Variants in GATAD2A observed in about 807,000 individuals in gnomAD.
The protein encoded by GATAD2A is transcriptional repressor p66-alpha.
GATAD2A carries 12 observed loss-of-function variants against 68.5 expected under a neutral mutation model. That is an observed-to-expected ratio of 0.18 (90% CI 0.11 to 0.28). The LOEUF (loss-of-function observed/expected upper bound fraction) is 0.28, where lower values mean the gene tolerates loss of function less well. GATAD2A is among the 10% of genes least tolerant of loss of function. GATAD2A has a pLI of 1.00. For synonymous variants in GATAD2A, 410 were observed against 375.3 expected (o/e 1.09, Z -1.07); for missense variants, 755 against 868.5 (o/e 0.87, Z 1.64).
intron 2 of GATAD2A, among the ~76,000 whole-genome samples, chr19:19,478,437 C>T (rs2058821959): frequency 6.6e-6 from 1 of 151,830 alleles, no homozygotes; most frequent in Non-Finnish European, 1.5e-5. Context: ...CCCGTTGCTA[C>T]AAAAAAAGTA....
At chr19:19,419,924 G>T (rs2052142320) in intron 1 of GATAD2A, among the ~76,000 whole-genome samples, 1 of 151,818 alleles carries the variant, frequency 6.6e-6, no homozygotes, top group South Asian at 2.1e-4. Flanking sequence ...TCAGGTTTGA[G>T]CCTGGGCCTA....
At chr19:19,404,974 TA>T (rs1381757885), upstream of GATAD2A, among the ~76,000 whole-genome samples, 2 of 152,224 alleles carry the variant, frequency 1.3e-5, no homozygotes, top group Non-Finnish European at 2.9e-5. Context: ...TTATGTAGTT[TA>T]ACATCTCCAA....
chr19:19,462,203 G>T (rs867830500), intron 1 of GATAD2A, among the ~76,000 whole-genome samples: 9 of 152,230 alleles, frequency 5.9e-5, no homozygotes, highest in South Asian at 2.1e-4. Context: ...TGCGGTGGCC[G>T]CCAGCCCTGT....
intron 1 of GATAD2A, among the ~76,000 whole-genome samples, chr19:19,407,495 G>T (rs1242086942): frequency 1.3e-5 from 2 of 152,200 alleles, no homozygotes; most frequent in Non-Finnish European, 2.9e-5. Context: ...CTTGCTCAAG[G>T]CCTCTTAGTA....
chr19:19,420,430 C>G (rs2052257997), intron 1 of GATAD2A, among the ~76,000 whole-genome samples: 1 of 149,054 alleles, frequency 6.7e-6, no homozygotes, highest in African/African-American at 2.5e-5. Context: ...CTCCCAGGTT[C>G]CCGCCATTCT....
chr19:19,463,181 C>T (rs2057591184), intron 1 of GATAD2A, among the ~76,000 whole-genome samples: 1 of 152,100 alleles, frequency 6.6e-6, no homozygotes, highest in Non-Finnish European at 1.5e-5. Context: ...AGTGCACATA[C>T]CTGCTGTCTA....
At chr19:19,427,429 G>C (rs1428977436) in intron 1 of GATAD2A, 1 of 147,962 alleles carries the variant, frequency 6.8e-6, no homozygotes, top group Non-Finnish European at 1.5e-5. Context: ...CCTAGCTTGT[G>C]CTAAGTACTG....
chr19:19,496,271 T>G, intron 7 of GATAD2A, 52 bp downstream of exon 7: 1 of 1,514,972 alleles, frequency 6.6e-7, no homozygotes, highest in Non-Finnish European at 9.1e-7. Context: ...CACCTGTGAC[T>G]GCTCCCCTTG....
chr19:19,424,677 G>A (rs1161658801), intron 1 of GATAD2A, among the ~76,000 whole-genome samples: 1 of 152,048 alleles, frequency 6.6e-6, no homozygotes, highest in Non-Finnish European at 1.5e-5. Flanking sequence ...CTGGCCTGGC[G>A]CTTTACTTTT....
intron 9 of GATAD2A, 23 bp downstream of exon 9, chr19:19,501,439 A>C: frequency 6.4e-7 from 1 of 1,553,516 alleles, no homozygotes; most frequent in Non-Finnish European, 8.7e-7. Context: ...TGCTGCCGGC[A>C]GTGCCGTCCC....
intron 1 of GATAD2A, among the ~76,000 whole-genome samples, chr19:19,437,969 C>T (rs2054559004): frequency 6.6e-6 from 1 of 152,192 alleles, no homozygotes; most frequent in African/African-American, 2.4e-5. Flanking sequence ...CATATGGTAA[C>T]TTTCTGTTAA....
intron 2 of GATAD2A, 77 bp downstream of exon 2, chr19:19,465,691 T>C: frequency 3.3e-6 from 5 of 1,493,794 alleles, no homozygotes; most frequent in Non-Finnish European, 4.5e-6. Flanking sequence ...CTGGCCACAC[T>C]CCAGGCCTGT....
rs2059861300 is a variant in GATAD2A at position 19,492,457 on chromosome 19, C to G, written c.402+19C>G. ...CCTCATGGTGAGCCACGTGTTGGCG[C>G]TGCCGCCGGAGCCCCACTGTGCCCT... is the stretch of plus-strand genomic sequence containing the variant. On this transcript the variant is annotated intron_variant, in intron 3 of 11. Transcript: ENST00000683918. 1 of 1,613,682 alleles carries G rather than the reference C, an allele frequency of 6.2e-7. No individual in the cohort carries two copies. The highest frequency in any genetic ancestry group is 1.7e-5 in the Admixed American group (1 of 59,996).
At chr19:19,412,290 G>A (rs2051051187) in intron 1 of GATAD2A, among the ~76,000 whole-genome samples, 1 of 151,660 alleles carries the variant, frequency 6.6e-6, no homozygotes, top group Admixed American at 6.6e-5. Context: ...CAAGTAGCTG[G>A]GACTACAGGT....
rs1156694396 is a variant in GATAD2A, at chr19:19,501,990, T to C, written c.1525T>C (p.Leu509=). 8 of 1,613,906 alleles carry C rather than the reference T, an allele frequency of 5.0e-6. No individual in the cohort carries two copies. The highest frequency in any genetic ancestry group is 2.2e-5 in the East Asian group (1 of 44,890). Residue 509 remains leucine (L), a synonymous_variant, in exon 10 of 12, where the codon TTG becomes CTG. Coordinates refer to ENST00000683918, the MANE Select transcript of GATAD2A (RefSeq NM_001384528.1). The part of the protein sequence containing the change: ...LKQVIKPRRK[L]AFRSGEARDW... ...GTAGGTCATAAAACCCCGGCGTAAG[T>C]TGGCGTTCCGCTCAGGAGAGGCCCG...
intron 5 of GATAD2A, among the ~76,000 whole-genome samples, chr19:19,495,056 C>T (rs1186662577): frequency 2.0e-5 from 3 of 152,208 alleles, no homozygotes; most frequent in Non-Finnish European, 4.4e-5. Flanking sequence ...AGTGCAGTGG[C>T]ACGATCTCAG....
At chr19:19,429,586 C>CA (rs1437117285) in intron 1 of GATAD2A, among the ~76,000 whole-genome samples, 1 of 151,898 alleles carries the variant, frequency 6.6e-6, no homozygotes, top group Non-Finnish European at 1.5e-5. Flanking sequence ...AAGTGGAAGA[C>CA]AGCCAGTACA....
chr19:19,454,673 T>G (rs113841472), intron 1 of GATAD2A, among the ~76,000 whole-genome samples: 22,982 of 149,704 alleles, frequency 0.15, 1,896 homozygotes, highest in Middle Eastern at 0.27. Flanking sequence ...TAGGCTGTAG[T>G]GATCCTCCCT....
At chr19:19,495,409 A>G (rs1207807377) in intron 5 of GATAD2A, among the ~76,000 whole-genome samples, 4 of 152,058 alleles carry the variant, frequency 2.6e-5, no homozygotes, top group Non-Finnish European at 5.9e-5. Context: ...CCCAGGTTCA[A>G]GCAATTCTCC....
Sources: gnomAD v4.1 joint callset for allele counts (sites outside exome capture counted in the v4.1 genomes callset) on GRCh38, gnomAD v4.1.1 for gene constraint, MANE v1.5 for transcripts, NCBI Gene and HGNC (gene_info 2026-07-23, HGNC 2026-07-21) for gene names.